Variants in CDH9 observed in about 807,000 individuals in gnomAD.
CDH9 encodes cadherin-9.
Under a neutral mutation model 70.9 loss-of-function variants are expected in CDH9, and 28 were observed. That is an observed-to-expected ratio of 0.40 (90% CI 0.29 to 0.54). The LOEUF is 0.54. Ranked by LOEUF, CDH9 falls within the 20% of genes least tolerant of loss-of-function variation. The pLI, the probability that CDH9 is intolerant of heterozygous loss-of-function variation, is 0.59. For missense variants in CDH9, 874 were observed against 984.4 expected (o/e 0.89, Z 1.50); for synonymous variants, 409 against 343.1 (o/e 1.19, Z -2.12).
rs1459467593 is a variant in CDH9 at position 26,952,527 on chromosome 5, C to G, written c.228+35579G>C. ...GGAGGCGCCTGTGGTCCCAGCTACTCGAGAAGCTGAGGCAGGAGAATGGTA... is the reference window on the plus strand; with the variant it reads ...GGAGGCGCCTGTGGTCCCAGCTACTGGAGAAGCTGAGGCAGGAGAATGGTA... On this transcript the variant is annotated intron_variant, in intron 2 of 11. Coordinates refer to ENST00000231021, the MANE Select transcript of CDH9 (RefSeq NM_016279.4). 2.4e-5 allele frequency among the ~76,000 whole-genome samples: 3 copies of G among 126,462 alleles called. No homozygotes were observed. The Admixed American group carries it at 2.6e-4, about 11-fold the overall frequency. 83.0% of individuals were successfully genotyped at this position (126,462 alleles called of 152,430 possible).
Position 26,906,098 on chromosome 5 carries a change from C to T in CDH9, c.672G>A (p.Met224Ile). The T allele has an allele frequency of 6.2e-7, 1 of 1,613,276 alleles. No homozygotes were observed. The highest frequency in any genetic ancestry group is 8.5e-7 in the Non-Finnish European group (1 of 1,179,514). The change falls in exon 5 of 12, where the codon ATG becomes ATA. Residue 224 changes from methionine to isoleucine, a missense_variant. Met to Ile is a conservative substitution (Grantham distance 10, BLOSUM62 1). Transcript: ENST00000231021. Reference protein sequence around the residue: ...SGIIKTALPDMSRENREQYQV... With the variant: ...SGIIKTALPDISRENREQYQV... ...GGTACTGCTCTCTATTTTCTCTGCTCATGTCTGGTAATGCAGTTTTTATTA... is the reference window on the plus strand; with the variant it reads ...GGTACTGCTCTCTATTTTCTCTGCTTATGTCTGGTAATGCAGTTTTTATTA...
intron 2 of CDH9, among the ~76,000 whole-genome samples, chr5:26,936,658 G>A (rs78777575): frequency 0.096 from 14,537 of 152,120 alleles, 875 homozygotes; most frequent in East Asian, 0.19. Context: ...TAAAAATACA[G>A]TAATCAAGAC....
chr5:27,001,355 G>A (rs1007862365), intron 1 of CDH9, among the ~76,000 whole-genome samples: 24 of 151,992 alleles, frequency 1.6e-4, no homozygotes, highest in Admixed American at 1.6e-3. Context: ...TTTCCGCAAG[G>A]GTATGTTTTG....
chr5:26,944,801 T>C (rs1479429370), intron 2 of CDH9, among the ~76,000 whole-genome samples: 1 of 152,212 alleles, frequency 6.6e-6, no homozygotes, highest in Non-Finnish European at 1.5e-5. Context: ...TCCAAAAATA[T>C]GCATTTCAGC....
In CDH9 at chr5:27,016,878, T is replaced by G. The variant is rs559753277; in HGVS notation, c.-50+21585A>C. On this transcript the variant is annotated intron_variant, in intron 1 of 11. Transcript: ENST00000231021. Reference sequence around the variant, plus strand: ...TTATTCATTCAATATTAAATCCTTATAGTTTTCTAAAGTGTTGTGTCCATA... The same window carrying G: ...TTATTCATTCAATATTAAATCCTTAGAGTTTTCTAAAGTGTTGTGTCCATA... Among the ~76,000 whole-genome samples, 11 of 151,924 alleles carry G rather than the reference T, an allele frequency of 7.2e-5. No homozygotes were observed. In the South Asian group the frequency reaches 1.9e-3, roughly 26 times the overall value.
chr5:26,960,043 A>T (rs1742008498), intron 2 of CDH9, among the ~76,000 whole-genome samples: 1 of 152,018 alleles, frequency 6.6e-6, no homozygotes, highest in Non-Finnish European at 1.5e-5. Flanking sequence ...AAGTAAATTT[A>T]TGTAACATAG....
At chr5:27,036,131 G>A (rs1269785997) in intron 1 of CDH9, among the ~76,000 whole-genome samples, 2 of 151,866 alleles carry the variant, frequency 1.3e-5, no homozygotes, top group Non-Finnish European at 2.9e-5. Flanking sequence ...ATATTGTGGG[G>A]AAGGAGCATC....
chr5:26,980,283 T>C (rs766516495), intron 2 of CDH9, among the ~76,000 whole-genome samples: 2 of 151,924 alleles, frequency 1.3e-5, no homozygotes, highest in Non-Finnish European at 2.9e-5. Context: ...CACTCACTTA[T>C]TCATTATTAT....
intron 1 of CDH9, among the ~76,000 whole-genome samples, chr5:26,996,424 A>G (rs541008337): frequency 6.6e-6 from 1 of 152,150 alleles, no homozygotes; most frequent in African/African-American, 2.4e-5. Context: ...AAAATGTCAT[A>G]CATATGTTGT....
intron 1 of CDH9, among the ~76,000 whole-genome samples, chr5:27,034,526 C>CT: frequency 6.6e-6 from 1 of 151,670 alleles, no homozygotes; most frequent in African/African-American, 2.4e-5. Context: ...CAGCTCTTTA[C>CT]TTTTTTTACT....
intron 2 of CDH9, among the ~76,000 whole-genome samples, chr5:26,973,472 A>C (rs1413588059): frequency 1.3e-5 from 2 of 151,928 alleles, no homozygotes; most frequent in Non-Finnish European, 2.9e-5. Flanking sequence ...ATGTTCCTTG[A>C]AGATTAGCAG....
At chr5:26,957,873 C>A (rs1412502414) in intron 2 of CDH9, among the ~76,000 whole-genome samples, 1 of 99,410 alleles carries the variant, frequency 1.0e-5, no homozygotes, top group African/African-American at 2.7e-5. Flanking sequence ...TATACGGATT[C>A]TATTTAAATA....
intron 1 of CDH9, among the ~76,000 whole-genome samples, chr5:27,003,246 C>A (rs1040254243): frequency 2.6e-5 from 4 of 152,062 alleles, no homozygotes; most frequent in Non-Finnish European, 4.4e-5. Context: ...CTACCTGTAT[C>A]TGTAAGTTTA....
In CDH9 at chr5:26,972,256, T is replaced by A. The variant is rs1356136193; in HGVS notation, c.228+15850A>T. On this transcript the variant is annotated intron_variant, in intron 2 of 11. Coordinates refer to ENST00000231021, the MANE Select transcript of CDH9 (RefSeq NM_016279.4). The stretch of plus-strand genomic sequence containing the variant: ...AAGTCAACTGGAAACATTGAAAGAT[T>A]GACGGCTGTCAGCAGCAACTAATAT... Among the ~76,000 whole-genome samples the A allele has an allele frequency of 5.9e-5, 9 of 152,292 alleles. No individual in the cohort carries two copies. The East Asian group carries it at 1.5e-3, about 26-fold the overall frequency.
chr5:26,934,150 C>T (rs1276188244), intron 2 of CDH9, among the ~76,000 whole-genome samples: 1 of 152,020 alleles, frequency 6.6e-6, no homozygotes, highest in Non-Finnish European at 1.5e-5. Flanking sequence ...TTTTCAACAA[C>T]CAGTTCTTGA....
At chr5:26,958,867 G>T (rs1274194614) in intron 2 of CDH9, among the ~76,000 whole-genome samples, 1 of 152,056 alleles carries the variant, frequency 6.6e-6, no homozygotes, top group African/African-American at 2.4e-5. Context: ...ACTCAAAATA[G>T]ATCAATGGCC....
chr5:26,977,481 GTGTGTATATA>G (rs1215984065), intron 2 of CDH9, among the ~76,000 whole-genome samples: 1 of 129,526 alleles, frequency 7.7e-6, no homozygotes, highest in African/African-American at 4.4e-5. Context: ...GCGTGTGTGT[GTGTGTATATA>G]TATATATATA....
At chr5:26,923,578 C>T (rs1025140074) in intron 2 of CDH9, among the ~76,000 whole-genome samples, 7 of 151,976 alleles carry the variant, frequency 4.6e-5, no homozygotes, top group African/African-American at 1.7e-4. Flanking sequence ...CAAATGGACA[C>T]AGTCAATATT....
At chr5:26,968,585 A>G (rs1742167158) in intron 2 of CDH9, among the ~76,000 whole-genome samples, 1 of 152,126 alleles carries the variant, frequency 6.6e-6, no homozygotes, top group African/African-American at 2.4e-5. Context: ...AATAGTTATT[A>G]TCTCAAGTAA....
Sources: allele counts gnomAD v4.1 joint callset (sites outside exome capture counted in the v4.1 genomes callset), GRCh38; gene constraint gnomAD v4.1.1; transcripts MANE v1.5; gene names NCBI Gene and HGNC (gene_info 2026-07-23, HGNC 2026-07-21).